Variants in WIPF2 observed in about 807,000 individuals in gnomAD.
WIPF2 encodes the protein WAS/WASL interacting protein family member 2, also known as WAS/WASL-interacting protein family member 2.
Under a neutral mutation model 38.8 loss-of-function variants are expected in WIPF2, and 23 were observed. The ratio of observed to expected loss-of-function variants is 0.59; its 90% CI spans 0.43 to 0.84. The LOEUF (loss-of-function observed/expected upper bound fraction) is 0.84, where lower values mean the gene tolerates loss of function less well. Ranked by LOEUF, WIPF2 falls within the 40% of genes least tolerant of loss-of-function variation. The probability of loss-of-function intolerance (pLI) is 0.00; values close to 1 mark genes in which losing one functional copy is unlikely to be tolerated. For missense variants in WIPF2, 574 were observed against 580.5 expected, an observed-to-expected ratio of 0.99 and a Z score of 0.11; for synonymous variants, 210 against 223.2, an observed-to-expected ratio of 0.94 and a Z score of 0.53.
At chr17:40,244,896 A>G (rs1315498707) in intron 1 of WIPF2, among the ~76,000 whole-genome samples, 2 of 152,196 alleles carry the variant, frequency 1.3e-5, no homozygotes, top group African/African-American at 4.8e-5. Flanking sequence ...CTCTCCCCCA[A>G]TGGCCCTTTC....
chr17:40,261,682 GTTTTTTTTGTTTT>G (rs1047052410), intron 3 of WIPF2, among the ~76,000 whole-genome samples: 1 of 142,490 alleles, frequency 7.0e-6, no homozygotes, highest in African/African-American at 2.6e-5. Context: ...TTTTTTTTTG[GTTTTTTTTGTTTT>G]TTTTTTTTGG....
intron 1 of WIPF2, among the ~76,000 whole-genome samples, chr17:40,227,720 G>A (rs2030551969): frequency 6.6e-6 from 1 of 151,974 alleles, no homozygotes; most frequent in South Asian, 2.1e-4. Context: ...GGGCATGGTG[G>A]TGTGTGCCTG....
At position 40,264,799 on chromosome 17, in the gene WIPF2, C is replaced by A. The variant is rs764059066; in HGVS notation, c.623C>A (p.Pro208His). 3.1e-6 allele frequency: 5 copies of A among 1,613,068 alleles called. No individual in the cohort carries two copies. Among genetic ancestry groups the A allele is most frequent in the Non-Finnish European group, 4.2e-6 (5 of 1,179,574 alleles). The change falls in exon 5 of 8, where the codon CCC becomes CAC. Residue 208 changes from proline (P) to histidine (H), a missense_variant. Coordinates refer to ENST00000323571, the MANE Select transcript of WIPF2 (RefSeq NM_133264.5). ...SKAPAYNREKPLPPTPGQRLH... is the reference protein window; with the variant it reads ...SKAPAYNREKHLPPTPGQRLH... ...GCCCCCGCCTACAACAGAGAGAAAC[C>A]CTTGCCACCGACGCCTGGACAAAGG...
intron 1 of WIPF2, among the ~76,000 whole-genome samples, chr17:40,224,182 C>T (rs1007551640): frequency 6.7e-6 from 1 of 148,758 alleles, no homozygotes; most frequent in Non-Finnish European, 1.5e-5. Flanking sequence ...CTCGGTGCTC[C>T]TGGGCGGACT....
chr17:40,252,850 G>A (rs1190853511), intron 1 of WIPF2, among the ~76,000 whole-genome samples: 10 of 149,800 alleles, frequency 6.7e-5, no homozygotes, highest in Non-Finnish European at 1.2e-4. Flanking sequence ...CACAACCTCC[G>A]CCTTCCAGGT....
intron 5 of WIPF2, among the ~76,000 whole-genome samples, chr17:40,265,633 T>C (rs1037993209): frequency 8.5e-5 from 13 of 152,066 alleles, no homozygotes; most frequent in Admixed American, 6.6e-5. Context: ...AAGGGGGCCA[T>C]TGTGGCAAGA....
At chr17:40,263,582 G>A (rs574889091) in intron 4 of WIPF2, among the ~76,000 whole-genome samples, 5 of 116,618 alleles carry the variant, frequency 4.3e-5, no homozygotes, top group African/African-American at 1.4e-4. Context: ...TTGCTCTGTC[G>A]CCCAGGCTGG....
chr17:40,220,141 A>T (rs939003787), intron 1 of WIPF2, among the ~76,000 whole-genome samples: 6 of 144,598 alleles, frequency 4.1e-5, no homozygotes, highest in African/African-American at 1.3e-4. Flanking sequence ...GGAAGATGGA[A>T]TTTTTTTTTT....
intron 1 of WIPF2, among the ~76,000 whole-genome samples, chr17:40,237,216 AT>A (rs903922089): frequency 2.9e-5 from 4 of 135,982 alleles, no homozygotes; most frequent in African/African-American, 1.1e-4. Flanking sequence ...TGGTACTCTA[AT>A]TTTTTTTTCC....
intron 2 of WIPF2, among the ~76,000 whole-genome samples, chr17:40,259,183 C>G (rs928742969): frequency 6.6e-6 from 1 of 150,998 alleles, no homozygotes; most frequent in African/African-American, 2.4e-5. Context: ...CGGCCGGCCT[C>G]GTGCTGATTT....
intron 2 of WIPF2, among the ~76,000 whole-genome samples, chr17:40,259,331 G>T (rs953968462): frequency 1.5e-4 from 23 of 151,728 alleles, no homozygotes; most frequent in African/African-American, 5.1e-4. Flanking sequence ...GCTACTGGGG[G>T]CGCTGAGGCA....
At chr17:40,277,605 C>T (rs1406946191) in intron 7 of WIPF2, among the ~76,000 whole-genome samples, 1 of 151,786 alleles carries the variant, frequency 6.6e-6, no homozygotes, top group Non-Finnish European at 1.5e-5. Flanking sequence ...TGTTTAAACC[C>T]AGGAGGCGGA....
chr17:40,254,382 A>G (rs577707749), intron 1 of WIPF2, among the ~76,000 whole-genome samples: 8 of 152,202 alleles, frequency 5.3e-5, no homozygotes, highest in African/African-American at 1.9e-4. Flanking sequence ...GAGGTTGGTT[A>G]CCATCTTGAA....
chr17:40,259,296 TGAG>T (rs1244257877), intron 2 of WIPF2, among the ~76,000 whole-genome samples: 2 of 151,622 alleles, frequency 1.3e-5, no homozygotes, highest in African/African-American at 4.8e-5. Flanking sequence ...CTGGCGATCA[TGAG>T]GAGTTCTTGA....
At chr17:40,220,587 A>ATATATATATATATATATATATATATATG (rs2030152810) in intron 1 of WIPF2, 1 of 64,638 alleles carries the variant, frequency 1.5e-5, no homozygotes, top group Non-Finnish European at 3.0e-5. Context: ...ATATATATAT[A>ATATATATATATATATATATATATATATG]TATATATATA....
At chr17:40,257,664 T>G (rs2031770028) in intron 2 of WIPF2, among the ~76,000 whole-genome samples, 1 of 148,664 alleles carries the variant, frequency 6.7e-6, no homozygotes, top group Non-Finnish European at 1.5e-5. Flanking sequence ...GAGAATTGCT[T>G]GAACCCAGGA....
At chr17:40,238,277 C>T (rs1188988239) in intron 1 of WIPF2, among the ~76,000 whole-genome samples, 1 of 151,992 alleles carries the variant, frequency 6.6e-6, no homozygotes, top group Non-Finnish European at 1.5e-5. Flanking sequence ...TTTGATAATT[C>T]TTAGCTGCTT....
chr17:40,238,518 G>A (rs749496977), intron 1 of WIPF2, among the ~76,000 whole-genome samples: 2 of 152,050 alleles, frequency 1.3e-5, no homozygotes, highest in Non-Finnish European at 2.9e-5. Context: ...GGCCAGGCTG[G>A]TCTTGAACTC....
At chr17:40,266,730 A>G (rs1246520067) in intron 5 of WIPF2, among the ~76,000 whole-genome samples, 1 of 152,132 alleles carries the variant, frequency 6.6e-6, no homozygotes, top group Non-Finnish European at 1.5e-5. Flanking sequence ...AATGAGTAGC[A>G]TGAAACTTAG....
Sources: allele counts gnomAD v4.1 joint callset (sites outside exome capture counted in the v4.1 genomes callset), GRCh38; gene constraint gnomAD v4.1.1; transcripts MANE v1.5; gene names NCBI Gene and HGNC (gene_info 2026-07-23, HGNC 2026-07-21).